SYT14: variants seen among roughly 807,000 people sequenced by gnomAD.
The protein encoded by SYT14 is synaptotagmin 14, also known as synaptotagmin-14.
In SYT14, 32 loss-of-function variants were observed where a neutral mutation model predicts 74.2. That is an observed-to-expected ratio of 0.43 (90% CI 0.33 to 0.58). The LOEUF is 0.58. Among genes scored for constraint, SYT14 ranks in the 20% least tolerant of loss-of-function variants. The probability of loss-of-function intolerance (pLI) is 0.05; values close to 1 mark genes in which losing one functional copy is unlikely to be tolerated. For synonymous variants in SYT14, 298 were observed against 337.7 expected, an observed-to-expected ratio of 0.88 and a Z score of 1.29; for missense variants, 791 against 981.8, an observed-to-expected ratio of 0.81 and a Z score of 2.60.
chr1:210,129,767 T>C (rs927458945), intron 7 of SYT14, among the ~76,000 whole-genome samples: 5 of 152,196 alleles, frequency 3.3e-5, no homozygotes, highest in South Asian at 2.1e-4. Flanking sequence ...ATATGCTTAA[T>C]TGGCTATGAG....
At chr1:209,971,920 C>A (rs2079262608) in intron 2 of SYT14, among the ~76,000 whole-genome samples, 2 of 152,030 alleles carry the variant, frequency 1.3e-5, no homozygotes, top group African/African-American at 4.8e-5. Flanking sequence ...ACGGAGGAGT[C>A]CCTCCTCCTT....
At chr1:210,046,642 C>A (rs1357807271) in intron 5 of SYT14, among the ~76,000 whole-genome samples, 1 of 152,138 alleles carries the variant, frequency 6.6e-6, no homozygotes, top group East Asian at 1.9e-4. Flanking sequence ...TGTCTGGCTT[C>A]TTTCACTTAG....
chr1:210,013,594 AAAAT>A, intron 2 of SYT14, 35 bp from the exon 3 acceptor site: 1 of 1,590,738 alleles, frequency 6.3e-7, no homozygotes, highest in Middle Eastern at 2.0e-4. Context: ...AGCTTAAAGA[AAAAT>A]AAATGCTTAC....
chr1:210,124,649 A>G (rs1410536365), intron 7 of SYT14, among the ~76,000 whole-genome samples: 1 of 152,226 alleles, frequency 6.6e-6, no homozygotes, highest in Non-Finnish European at 1.5e-5. Flanking sequence ...AGGCTTCAAA[A>G]TGGTAAAGAA....
intron 2 of SYT14, among the ~76,000 whole-genome samples, chr1:209,974,533 A>G (rs1157870634): frequency 1.3e-5 from 2 of 152,076 alleles, no homozygotes; most frequent in Non-Finnish European, 2.9e-5. Flanking sequence ...GATATGTGGC[A>G]TTATTTCTCA....
At chr1:210,038,965 G>A (rs1393969717) in intron 5 of SYT14, among the ~76,000 whole-genome samples, 2 of 152,084 alleles carry the variant, frequency 1.3e-5, no homozygotes, top group Admixed American at 6.6e-5. Context: ...AGCAAGACTA[G>A]TGAAGTTTTC....
chr1:210,103,564 A>AT (rs2082109018), intron 7 of SYT14, among the ~76,000 whole-genome samples: 1 of 151,512 alleles, frequency 6.6e-6, no homozygotes, highest in East Asian at 1.9e-4. Flanking sequence ...AAAAAAAAAA[A>AT]AAAAGAGTTT....
Position 209,972,774 on chromosome 1 carries a change from CCTAT to C in SYT14, c.-486+20021_-486+20024del, listed in dbSNP as rs200894520. 7.9e-3 allele frequency among the ~76,000 whole-genome samples: 1,197 copies of C among 152,090 alleles called. 21 individuals are homozygous for C. Among genetic ancestry groups the C allele is most frequent in the African/African-American group, 0.027 (1,135 of 41,480 alleles). On this transcript the variant is annotated intron_variant, in intron 2 of 9. Transcript: ENST00000637265. ...ACTTGACTTATGGCTGAGCATGTGG[CCTAT>C]CTTAGAGTGTGTTCTGTGTGCAAAC...
In SYT14 at chr1:210,020,265, AATTT is replaced by A. The variant is rs558774770; in HGVS notation, c.1097-768_1097-765del. Reference sequence around the variant, plus strand: ...ATATATCATTGAATAGATACATCATAATTTATTTAAACAAAGCTCACTGATGGAC... The same window carrying A: ...ATATATCATTGAATAGATACATCATAATTTAAACAAAGCTCACTGATGGAC... On this transcript the variant is annotated intron_variant, in intron 4 of 9. Coordinates refer to ENST00000637265, the Ensembl canonical transcript of SYT14. 1.4e-3 allele frequency among the ~76,000 whole-genome samples: 214 copies of A among 152,304 alleles called. 1 individual carries two copies. The highest frequency in any genetic ancestry group is 4.7e-3 in the African/African-American group (197 of 41,568).
chr1:210,056,659 CAAAAAAAAAAAA>C, intron 5 of SYT14, among the ~76,000 whole-genome samples: 1 of 79,394 alleles, frequency 1.3e-5, no homozygotes, highest in East Asian at 4.4e-4. Context: ...ACTAAAAATA[CAAAAAAAAAAAA>C]AAAAATTAGC....
chr1:210,064,642 C>T (rs2081264891), intron 5 of SYT14, among the ~76,000 whole-genome samples: 1 of 152,024 alleles, frequency 6.6e-6, no homozygotes, highest in African/African-American at 2.4e-5. Flanking sequence ...GTATATACCA[C>T]ATTTTGCCTA....
At chr1:210,093,549 TAAAAG>T (rs910487131) in intron 5 of SYT14, among the ~76,000 whole-genome samples, 4 of 152,160 alleles carry the variant, frequency 2.6e-5, no homozygotes, top group African/African-American at 9.7e-5. Flanking sequence ...AGGTAAAAAT[TAAAAG>T]GATAATTTAA....
intron 5 of SYT14, among the ~76,000 whole-genome samples, chr1:210,043,551 G>A (rs1332906843): frequency 1.3e-5 from 2 of 152,164 alleles, no homozygotes; most frequent in Admixed American, 6.5e-5. Context: ...TGGTAACACT[G>A]GGGATAGAAG....
At chr1:210,168,664 C>G (rs1202181058) in exon 10 of SYT14, 1 of 152,122 alleles carries the variant, frequency 6.6e-6, no homozygotes, top group African/African-American at 2.4e-5. Flanking sequence ...CTGAGACTTA[C>G]TGCTTCTCTT....
At chr1:209,960,851 C>T (rs2079065411) in intron 2 of SYT14, among the ~76,000 whole-genome samples, 1 of 152,096 alleles carries the variant, frequency 6.6e-6, no homozygotes, top group African/African-American at 2.4e-5. Flanking sequence ...TAATACATAA[C>T]TGTATTAGAA....
chr1:209,938,658 G>T (rs1274793513), intron 1 of SYT14, among the ~76,000 whole-genome samples: 1 of 152,284 alleles, frequency 6.6e-6, no homozygotes, highest in Admixed American at 6.5e-5. Context: ...GCCACGGGGG[G>T]CTCAGGCTGC....
intron 6 of SYT14, among the ~76,000 whole-genome samples, chr1:210,097,566 A>G (rs891136501): frequency 3.9e-5 from 6 of 152,182 alleles, no homozygotes; most frequent in Non-Finnish European, 8.8e-5. Flanking sequence ...AAATTCAAAA[A>G]TAGCTATCTA....
intron 1 of SYT14, among the ~76,000 whole-genome samples, chr1:209,942,936 A>G (rs2078759661): frequency 1.3e-5 from 2 of 152,138 alleles, no homozygotes; most frequent in Non-Finnish European, 2.9e-5. Flanking sequence ...GTGTGTATAT[A>G]GTGCATTTAC....
rs375718422 is a variant in SYT14 at position 209,938,293 on chromosome 1, C to G, written c.-534+16C>G. 4.8e-5 allele frequency: 74 copies of G among 1,555,472 alleles called. No individual in the cohort carries two copies. In the Middle Eastern group the frequency reaches 5.2e-4, roughly 11 times the overall value. On this transcript the variant is annotated intron_variant, in intron 1 of 9. Transcript: ENST00000637265. ...GCGATTGAAGGTAAGTGGAGGCTGA[C>G]AGCGGGGAGCGAGGACCGGGACCAC...
Sources: allele counts gnomAD v4.1 joint callset (sites outside exome capture counted in the v4.1 genomes callset), GRCh38; gene constraint gnomAD v4.1.1; transcripts MANE v1.5; gene names NCBI Gene and HGNC (gene_info 2026-07-23, HGNC 2026-07-21).